ZMIZ1: variants seen among roughly 807,000 people sequenced by gnomAD.
ZMIZ1 encodes the protein zinc finger MIZ-type containing 1, also known as zinc finger MIZ domain-containing protein 1.
ZMIZ1 carries 17 observed loss-of-function variants against 113.9 expected under a neutral mutation model. That is an observed-to-expected ratio of 0.15 (90% CI 0.10 to 0.22). ZMIZ1 has a LOEUF of 0.22. ZMIZ1 is among the 10% of genes least tolerant of loss of function. The pLI is 1.00. For synonymous variants in ZMIZ1, 607 were observed against 603.1 expected (o/e 1.01, Z -0.09); for missense variants, 1,059 against 1,477.8 (o/e 0.72, Z 4.65).
chr10:79,113,131 C>G (rs1843819883), intron 1 of ZMIZ1, among the ~76,000 whole-genome samples: 2 of 152,198 alleles, frequency 1.3e-5, no homozygotes, highest in African/African-American at 4.8e-5. Context: ...GCCTTCGGAG[C>G]CTCAGGTGGC....
At chr10:79,294,745 A>C (rs1463095098) in intron 12 of ZMIZ1, 2 of 152,300 alleles carry the variant, frequency 1.3e-5, no homozygotes, top group African/African-American at 4.8e-5. Context: ...CCCAGCTTGC[A>C]TGCCCACTCT....
rs959267870 is a variant in ZMIZ1, at chr10:79,153,113, G to A, written c.-130-8940G>A. ...ATGAGACCCCAGATTCAAGGGAGAA[G>A]AAGGGGCATCCTAGGACTTCCCTGA... On this transcript the variant is annotated intron_variant, in intron 3 of 24. Transcript: ENST00000334512. Among the ~76,000 whole-genome samples the A allele has an allele frequency of 3.9e-5, 6 of 152,350 alleles. No homozygotes were observed. The South Asian group carries it at 6.2e-4, about 16-fold the overall frequency.
chr10:79,256,549 G>A (rs1049628821), intron 7 of ZMIZ1, among the ~76,000 whole-genome samples: 4 of 152,208 alleles, frequency 2.6e-5, no homozygotes, highest in African/African-American at 4.8e-5. Context: ...GGAGCCTGCC[G>A]GTGCCCCTGC....
In ZMIZ1 at chr10:79,304,060, C is replaced by T; in HGVS notation, c.2171C>T (p.Thr724Ile). ...GTGGCTGCCTCCTCGGGCAACACGA[C>T]CCTCAACGGGGAGGATGGGGTGGAG... ...SSVAASSGNT[T>I]LNGEDGVEQT... The change falls in exon 19 of 25, where the codon ACC becomes ATC. Residue 724 changes from threonine (T) to isoleucine (I), a missense_variant. Physicochemically the swap from Thr to Ile is moderately conservative, Grantham distance 89 (BLOSUM62 -1). This residue lies in a region of ZMIZ1 where 217 missense variants were observed against 426.9 expected (regional missense o/e 0.51). Transcript: ENST00000334512. 1 of 1,614,198 alleles carries T rather than the reference C, an allele frequency of 6.2e-7. No homozygotes were observed. The highest frequency in any genetic ancestry group is 2.2e-5 in the East Asian group (1 of 44,892).
At chr10:79,213,033 G>A (rs1848584900) in intron 6 of ZMIZ1, among the ~76,000 whole-genome samples, 1 of 152,158 alleles carries the variant, frequency 6.6e-6, no homozygotes, top group Non-Finnish European at 1.5e-5. Context: ...AGCCTCAGGA[G>A]TGCTTCCCCC....
At chr10:79,271,410 C>G (rs1030043930) in intron 7 of ZMIZ1, among the ~76,000 whole-genome samples, 1 of 152,166 alleles carries the variant, frequency 6.6e-6, no homozygotes, top group East Asian at 1.9e-4. Flanking sequence ...GATGAGGAAA[C>G]TGGGGTGCAG....
intron 1 of ZMIZ1, among the ~76,000 whole-genome samples, chr10:79,109,386 T>C (rs1267930901): frequency 6.6e-6 from 1 of 152,198 alleles, no homozygotes; most frequent in African/African-American, 2.4e-5. Context: ...CCAGCGTGGC[T>C]GGGCTGCCCC....
At chr10:79,278,122 G>A (rs1168768569) in intron 8 of ZMIZ1, among the ~76,000 whole-genome samples, 1 of 152,240 alleles carries the variant, frequency 6.6e-6, no homozygotes, top group East Asian at 1.9e-4. Flanking sequence ...TGGGAACTCG[G>A]GTGTCAGCCA....
chr10:79,255,424 A>G (rs1850825748), intron 7 of ZMIZ1, among the ~76,000 whole-genome samples: 1 of 152,200 alleles, frequency 6.6e-6, no homozygotes, highest in Middle Eastern at 3.2e-3. Context: ...ATGAGTAGGT[A>G]AGGGGGTTCC....
chr10:79,143,497 C>T (rs1248371848), intron 3 of ZMIZ1, among the ~76,000 whole-genome samples: 1 of 152,192 alleles, frequency 6.6e-6, no homozygotes, highest in African/African-American at 2.4e-5. Flanking sequence ...GAAAGCCTCC[C>T]TTGACCACTC....
chr10:79,291,208 G>A (rs1379072304), intron 10 of ZMIZ1, 32 bp downstream of exon 10: 2 of 1,566,434 alleles, frequency 1.3e-6, no homozygotes, highest in Non-Finnish European at 8.7e-7. Flanking sequence ...CAGAAGCCAT[G>A]GACGCCACCC....
intron 3 of ZMIZ1, among the ~76,000 whole-genome samples, chr10:79,143,017 T>C (rs543390663): frequency 2.0e-5 from 3 of 152,228 alleles, no homozygotes; most frequent in Non-Finnish European, 4.4e-5. Context: ...TGGGCAATCA[T>C]ATACGTGCGT....
rs560202688 is a variant in ZMIZ1, at chr10:79,192,555, G to A, written c.-49-9029G>A. Reference sequence around the variant, plus strand: ...AACTCTGGTGGGGCAGTGTGGAGCCGTGTCAAGTCTTGGCACAGGAGCACT... The same window carrying A: ...AACTCTGGTGGGGCAGTGTGGAGCCATGTCAAGTCTTGGCACAGGAGCACT... On this transcript the variant is annotated intron_variant, in intron 4 of 24. Coordinates refer to ENST00000334512, the MANE Select transcript of ZMIZ1 (RefSeq NM_020338.4). Among the ~76,000 whole-genome samples the A allele has an allele frequency of 2.3e-3, 356 of 152,314 alleles. 2 individuals are homozygous for A. The highest frequency in any genetic ancestry group is 8.2e-3 in the African/African-American group (340 of 41,564).
intron 8 of ZMIZ1, among the ~76,000 whole-genome samples, chr10:79,288,471 C>T (rs1284030917): frequency 2.0e-5 from 3 of 152,330 alleles, no homozygotes; most frequent in African/African-American, 7.2e-5. Flanking sequence ...AGGCATGAGG[C>T]TCTTTCCTGT....
Position 79,314,680 on chromosome 10 carries a change from CT to C in ZMIZ1, c.*1940del, listed in dbSNP as rs913048029. 2.2e-4 allele frequency: 35 copies of C among 159,322 alleles called. No individual in the cohort carries two copies. The highest frequency in any genetic ancestry group is 7.4e-4 in the South Asian group (5 of 6,754). The allele number at this position is 159,322 out of a possible 1,614,324, so 9.9% of individuals were successfully genotyped here. ...GACTCAATGACAAAGACCGAGTCTT[CT>C]TTTTTTTTAAACAAAAACAAAAAAA... On this transcript the variant is annotated 3_prime_UTR_variant, in exon 25 of 25. Transcript: ENST00000334512.
At chr10:79,176,896 G>A (rs1846891936) in intron 4 of ZMIZ1, among the ~76,000 whole-genome samples, 1 of 152,244 alleles carries the variant, frequency 6.6e-6, no homozygotes, top group Non-Finnish European at 1.5e-5. Flanking sequence ...GCTGATGTGA[G>A]CTCCAGGAGG....
intron 7 of ZMIZ1, among the ~76,000 whole-genome samples, chr10:79,262,393 C>T (rs1851322175): frequency 1.3e-5 from 2 of 152,248 alleles, no homozygotes; most frequent in African/African-American, 4.8e-5. Context: ...AATCCCTGGC[C>T]TGGAGATCCA....
chr10:79,081,515 G>T (rs1046949291), intron 1 of ZMIZ1, among the ~76,000 whole-genome samples: 1 of 152,196 alleles, frequency 6.6e-6, no homozygotes, highest in African/African-American at 2.4e-5. Context: ...CCAGGAGGCT[G>T]AGAAGGCCGT....
At chr10:79,293,888 A>T (rs1284432626) in intron 12 of ZMIZ1, 1 of 640,822 alleles carries the variant, frequency 1.6e-6, no homozygotes, top group Non-Finnish European at 2.7e-6. Flanking sequence ...GGACTTGAGG[A>T]GGTGTCCGTG....
Sources: allele counts gnomAD v4.1 joint callset (sites outside exome capture counted in the v4.1 genomes callset), GRCh38; gene constraint gnomAD v4.1.1; regional missense constraint gnomAD v4.1.1; transcripts MANE v1.5; gene names NCBI Gene and HGNC (gene_info 2026-07-23, HGNC 2026-07-21).